The following NEGR1 variants were observed in gnomAD, a reference collection of about 807,000 sequenced individuals.
NEGR1 encodes IgLON family member 4.
NEGR1 carries 10 observed loss-of-function variants against 40.9 expected under a neutral mutation model. The ratio of observed to expected loss-of-function variants is 0.24; its 90% CI spans 0.15 to 0.42. The LOEUF (loss-of-function observed/expected upper bound fraction) is 0.42, where lower values mean the gene tolerates loss of function less well. NEGR1 is among the 10% of genes least tolerant of loss of function. NEGR1 has a pLI of 1.00. For missense variants in NEGR1, 352 were observed against 438.9 expected, an observed-to-expected ratio of 0.80 and a Z score of 1.77; for synonymous variants, 185 against 166.8, an observed-to-expected ratio of 1.11 and a Z score of -0.84.
At chr1:72,158,178 G>A (rs1651430558) in intron 1 of NEGR1, among the ~76,000 whole-genome samples, 2 of 152,180 alleles carry the variant, frequency 1.3e-5, no homozygotes, top group Admixed American at 6.6e-5. Context: ...ATAGTGGTAC[G>A]CTGTCACTTG....
intron 1 of NEGR1, among the ~76,000 whole-genome samples, chr1:71,997,820 G>A (rs6424456): frequency 0.14 from 21,103 of 151,826 alleles, 1,904 homozygotes; most frequent in East Asian, 0.43. Context: ...AGCTAAGCCA[G>A]CTTTCCAGCT....
At chr1:71,800,286 A>T (rs1032816025) in intron 2 of NEGR1, among the ~76,000 whole-genome samples, 1 of 152,066 alleles carries the variant, frequency 6.6e-6, no homozygotes, top group South Asian at 2.1e-4. Flanking sequence ...TTTTTCTCCC[A>T]TTCTTTAGGT....
chr1:71,432,705 T>C (rs1201537892), intron 6 of NEGR1, among the ~76,000 whole-genome samples: 1 of 152,204 alleles, frequency 6.6e-6, no homozygotes, highest in Non-Finnish European at 1.5e-5. Context: ...TATTTACAAA[T>C]TAATTTCTGT....
At chr1:72,280,937 CA>C (rs1656219784) in intron 1 of NEGR1, among the ~76,000 whole-genome samples, 1 of 151,946 alleles carries the variant, frequency 6.6e-6, no homozygotes, top group South Asian at 2.1e-4. Flanking sequence ...GGTGGGGTGG[CA>C]GGGGGAGAAG....
Position 71,776,291 on chromosome 1 carries a change from G to A in NEGR1, c.416C>T (p.Pro139Leu). 6.4e-7 allele frequency: 1 copy of A among 1,571,872 alleles called. No homozygotes were observed. The highest frequency in any genetic ancestry group is 8.7e-7 in the Non-Finnish European group (1 of 1,154,908). The change falls in exon 3 of 7, where the codon CCT becomes CTT. Residue 139 changes from proline to leucine, a missense_variant. Coordinates refer to ENST00000357731, the MANE Select transcript of NEGR1 (RefSeq NM_173808.3). ...MQVHLTVQVP[P>L]KIYDISNDMT... ...ATCATTTGAGATGTCATATATCTTA[G>A]GAGGAACTGAAATGACAAAATACGC...
At chr1:71,622,129 A>T (rs1242448665) in intron 4 of NEGR1, among the ~76,000 whole-genome samples, 1 of 151,892 alleles carries the variant, frequency 6.6e-6, no homozygotes, top group Non-Finnish European at 1.5e-5. Context: ...TGTGAAATTT[A>T]TTGGGCCACC....
At chr1:71,698,970 A>C (rs1653585323) in intron 3 of NEGR1, among the ~76,000 whole-genome samples, 1 of 151,862 alleles carries the variant, frequency 6.6e-6, no homozygotes, top group Non-Finnish European at 1.5e-5. Flanking sequence ...CCTAATTATC[A>C]GAAGTGTGGC....
chr1:71,415,906 G>T (rs1221000562), intron 6 of NEGR1, among the ~76,000 whole-genome samples: 1 of 152,146 alleles, frequency 6.6e-6, no homozygotes, highest in Non-Finnish European at 1.5e-5. Flanking sequence ...TTTGGAGTGT[G>T]TATGTGGATG....
At chr1:72,066,629 C>A (rs1482951564) in intron 1 of NEGR1, among the ~76,000 whole-genome samples, 2 of 152,002 alleles carry the variant, frequency 1.3e-5, no homozygotes, top group African/African-American at 4.8e-5. Context: ...GACAGAGAAA[C>A]ACCAGGAATG....
chr1:72,238,110 T>C (rs886217493), intron 1 of NEGR1, among the ~76,000 whole-genome samples: 5 of 151,848 alleles, frequency 3.3e-5, no homozygotes, highest in Admixed American at 2.6e-4. Context: ...TCAATTTCTA[T>C]GACAAATATA....
At chr1:71,521,222 G>A (rs1486906614) in intron 6 of NEGR1, among the ~76,000 whole-genome samples, 1 of 151,904 alleles carries the variant, frequency 6.6e-6, no homozygotes, top group African/African-American at 2.4e-5. Context: ...AATGGAAAAC[G>A]GTCAATTTAA....
chr1:71,703,919 T>C (rs1368397626), intron 3 of NEGR1, among the ~76,000 whole-genome samples: 1 of 151,654 alleles, frequency 6.6e-6, no homozygotes, highest in Non-Finnish European at 1.5e-5. Context: ...ATTTGATGCA[T>C]ACAATAAAAA....
chr1:72,069,812 G>A (rs1304644192), intron 1 of NEGR1, among the ~76,000 whole-genome samples: 1 of 152,044 alleles, frequency 6.6e-6, no homozygotes, highest in Admixed American at 6.6e-5. Flanking sequence ...GAATACCTGT[G>A]GCACACTAAT....
chr1:71,699,026 T>C (rs1393664788), intron 3 of NEGR1, among the ~76,000 whole-genome samples: 1 of 151,940 alleles, frequency 6.6e-6, no homozygotes, highest in Non-Finnish European at 1.5e-5. Flanking sequence ...GAGACCCTTC[T>C]ACCTCCTTGC....
At chr1:72,205,918 G>C (rs1174270773) in intron 1 of NEGR1, among the ~76,000 whole-genome samples, 3 of 149,768 alleles carry the variant, frequency 2.0e-5, no homozygotes, top group Non-Finnish European at 4.4e-5. Context: ...ACTTCAGCTT[G>C]GGCGAAAGAG....
chr1:71,635,548 G>A (rs1406894267), intron 4 of NEGR1, among the ~76,000 whole-genome samples: 1 of 151,962 alleles, frequency 6.6e-6, no homozygotes, highest in Non-Finnish European at 1.5e-5. Context: ...GGATCTGAGG[G>A]AAATAAAAGA....
At chr1:71,643,207 T>C (rs963102860) in intron 4 of NEGR1, among the ~76,000 whole-genome samples, 13 of 151,990 alleles carry the variant, frequency 8.6e-5, no homozygotes, top group Non-Finnish European at 1.2e-4. Flanking sequence ...CTTTTTTCCA[T>C]GCATATTCTT....
At chr1:71,928,572 A>G (rs1007183630) in intron 2 of NEGR1, among the ~76,000 whole-genome samples, 1 of 149,620 alleles carries the variant, frequency 6.7e-6, no homozygotes, top group African/African-American at 2.5e-5. Flanking sequence ...ATATACCTAT[A>G]TATATTTTTT....
intron 3 of NEGR1, among the ~76,000 whole-genome samples, chr1:71,720,857 T>C (rs758879620): frequency 2.1e-4 from 32 of 152,276 alleles, no homozygotes; most frequent in South Asian, 8.3e-4. Flanking sequence ...GATCCTTGCT[T>C]CCTGTGGATT....
Sources: gnomAD v4.1 joint callset for allele counts (sites outside exome capture counted in the v4.1 genomes callset) on GRCh38, gnomAD v4.1.1 for gene constraint, MANE v1.5 for transcripts, NCBI Gene and HGNC (gene_info 2026-07-23, HGNC 2026-07-21) for gene names.